The following GAREM2 variants were observed in gnomAD, a reference collection of about 807,000 sequenced individuals.
GAREM2 encodes the protein GRB2 associated regulator of MAPK1 subtype 2.
GAREM2 carries 30 observed loss-of-function variants against 55.6 expected under a neutral mutation model. That is an observed-to-expected ratio of 0.54 (90% CI 0.40 to 0.73). The LOEUF (loss-of-function observed/expected upper bound fraction) is 0.73. GAREM2 is among the 30% of genes least tolerant of loss of function. The pLI, the probability that GAREM2 is intolerant of heterozygous loss-of-function variation, is 0.00. For missense variants in GAREM2, 1,075 were observed against 1,257.7 expected, an observed-to-expected ratio of 0.85 and a Z score of 2.20; for synonymous variants, 550 against 569.1, an observed-to-expected ratio of 0.97 and a Z score of 0.48.
intron 1 of GAREM2, 112 bp downstream of exon 1, chr2:26,173,444 C>T (rs1212582202): frequency 1.9e-6 from 1 of 521,548 alleles, no homozygotes; most frequent in Admixed American, 4.6e-5. Flanking sequence ...CTCCCAGCTC[C>T]CCGGCGTGGG....
intron 3 of GAREM2, 116 bp from the exon 4 acceptor site, chr2:26,184,117 C>T: frequency 1.4e-6 from 2 of 1,451,878 alleles, no homozygotes; most frequent in Non-Finnish European, 1.8e-6. Flanking sequence ...CCATCTAGTC[C>T]GAGCCCCGGG....
At chr2:26,173,874 CG>C in intron 1 of GAREM2, among the ~76,000 whole-genome samples, 1 of 152,302 alleles carries the variant, frequency 6.6e-6, no homozygotes, top group South Asian at 2.1e-4. Flanking sequence ...CGGCGGGAGC[CG>C]GGTCTGCTGC....
chr2:26,183,527 C>T (rs934117989), intron 3 of GAREM2, among the ~76,000 whole-genome samples: 5 of 152,092 alleles, frequency 3.3e-5, no homozygotes, highest in Non-Finnish European at 5.9e-5. Flanking sequence ...AGTTTGAGAC[C>T]AGCCTGGGCA....
intron 4 of GAREM2, 109 bp from the exon 5 acceptor site, chr2:26,186,080 G>T: frequency 9.0e-7 from 1 of 1,112,750 alleles, no homozygotes; most frequent in Non-Finnish European, 1.2e-6. Context: ...TGGCAAAGTG[G>T]GGCAAATGTC....
At chr2:26,200,257 T>C in the GAREM2 span, among the ~76,000 whole-genome samples, 1 of 152,236 alleles carries the variant, frequency 6.6e-6, no homozygotes, top group African/African-American at 2.4e-5. Flanking sequence ...AATCATTTCA[T>C]GTTCACCTTT....
At chr2:26,190,893 T>C (rs760489197), downstream of GAREM2, 2 of 370,432 alleles carry the variant, frequency 5.4e-6, no homozygotes, top group Non-Finnish European at 1.0e-5. Flanking sequence ...TTGGTTTTTA[T>C]TGTTATGTGT....
downstream of GAREM2, among the ~76,000 whole-genome samples, chr2:26,193,235 G>C (rs1348544720): frequency 6.7e-6 from 1 of 149,386 alleles, no homozygotes; most frequent in African/African-American, 2.5e-5. Flanking sequence ...CAGAAGGGTA[G>C]AACTCTGCCT....
In GAREM2 at chr2:26,188,564, G is replaced by C. The variant is rs559322117; in HGVS notation, c.*307G>C. The C allele has an allele frequency of 4.7e-5, 14 of 297,354 alleles. No homozygotes were observed. In the South Asian group the frequency reaches 2.2e-3, roughly 46 times the overall value. The allele number at this position is 297,354 out of a possible 1,614,324, so 18.4% of individuals were successfully genotyped here. A position where few individuals can be genotyped will look rare whatever the true frequency, so the allele number is the denominator to read the frequency against. On this transcript the variant is annotated 3_prime_UTR_variant, in exon 6 of 6. Coordinates refer to ENST00000401533, the MANE Select transcript of GAREM2 (RefSeq NM_001168241.2). ...ACGGGGTCAAAAGCTGGCCTTCAGG[G>C]TGACCTAACACCACCTCATGCCCTG...
At chr2:26,193,543 A>G, downstream of GAREM2, 1 of 1,523,732 alleles carries the variant, frequency 6.6e-7, no homozygotes, top group Middle Eastern at 1.7e-4. Context: ...TTTGTAACTA[A>G]TGGTGCTAGT....
chr2:26,188,183 G>T lies in GAREM2; in HGVS notation c.2551G>T (p.Asp851Tyr). The change falls in exon 6 of 6, where the codon GAT becomes TAT. Residue 851 changes from aspartate (D) to tyrosine (Y), a missense_variant. Transcript: ENST00000401533. ...GCAGCTCAGTGAGGACATCCTGGCA[G>T]ATGACTTCCACCTCACCAAGCTGCA... The part of the protein sequence containing the change: ...FVQLSEDILA[D>Y]DFHLTKLQVK... The T allele has an allele frequency of 6.5e-7, 1 of 1,545,644 alleles. No individual in the cohort carries two copies.
the GAREM2 span, among the ~76,000 whole-genome samples, chr2:26,195,610 C>A: frequency 6.0e-5 from 9 of 150,452 alleles, no homozygotes; most frequent in Admixed American, 6.0e-4. Context: ...GGGGGTGGGG[C>A]AGGCAGAAGA....
chr2:26,200,760 TCTCG>T, the GAREM2 span, among the ~76,000 whole-genome samples: 2 of 149,300 alleles, frequency 1.3e-5, no homozygotes, highest in South Asian at 4.2e-4. Flanking sequence ...GGAGATGGAG[TCTCG>T]CTCTGTCACC....
intron 2 of GAREM2, 70 bp downstream of exon 2, chr2:26,176,554 G>A: frequency 8.2e-6 from 11 of 1,338,178 alleles, no homozygotes; most frequent in Non-Finnish European, 1.1e-5. Context: ...GGGGCCAGGG[G>A]TAGGGGGAAC....
the GAREM2 span, chr2:26,201,062 T>C: frequency 1.0e-6 from 1 of 972,194 alleles, no homozygotes; most frequent in Admixed American, 1.9e-5. Context: ...AAAGCAATCA[T>C]GAGTTTCCTA....
chr2:26,203,701 T>A, the GAREM2 span, among the ~76,000 whole-genome samples: 1 of 152,124 alleles, frequency 6.6e-6, no homozygotes, highest in East Asian at 1.9e-4. Context: ...TCCTTAACAA[T>A]AGAGCAATTA....
In GAREM2 at chr2:26,184,477, A is replaced by G; in HGVS notation, c.629A>G (p.Lys210Arg). 1.3e-6 allele frequency: 2 copies of G among 1,515,256 alleles called. No individual in the cohort carries two copies. The highest frequency in any genetic ancestry group is 1.8e-6 in the Non-Finnish European group (2 of 1,131,468). 93.9% of individuals were successfully genotyped at this position (1,515,256 alleles called of 1,614,324 possible). ...GTGGGGARPV[K>R]GKMPCLICMN... ...GGCGGCGGGGGCGCCAGGCCGGTCA[A>G]AGGCAAGATGCCCTGCCTCATCTGC... Residue 210 changes from lysine to arginine, a missense_variant, in exon 4 of 6, where the codon AAA becomes AGA. Physicochemically the swap from Lys to Arg is conservative, Grantham distance 26 (BLOSUM62 2). Transcript: ENST00000401533.
chr2:26,190,378 C>T (rs1669455518), downstream of GAREM2, among the ~76,000 whole-genome samples: 1 of 151,578 alleles, frequency 6.6e-6, no homozygotes, highest in African/African-American at 2.4e-5. Flanking sequence ...CTTTCCATCC[C>T]AGGGGGTGGG....
downstream of GAREM2, chr2:26,190,845 G>A (rs886055859): frequency 2.1e-5 from 6 of 285,202 alleles, no homozygotes; most frequent in Non-Finnish European, 4.1e-5. Context: ...TTTGAAGGAG[G>A]CGTTTAAACC....
At chr2:26,200,593 C>T in the GAREM2 span, among the ~76,000 whole-genome samples, 2 of 152,332 alleles carry the variant, frequency 1.3e-5, no homozygotes, top group African/African-American at 4.8e-5. Flanking sequence ...GTGAGGTTAT[C>T]TGTATGTTTG....
Sources: allele counts gnomAD v4.1 joint callset (sites outside exome capture counted in the v4.1 genomes callset), GRCh38; gene constraint gnomAD v4.1.1; transcripts MANE v1.5; gene names NCBI Gene and HGNC (gene_info 2026-07-23, HGNC 2026-07-21).